DNAH10: variants seen among roughly 807,000 people sequenced by gnomAD.
The protein encoded by DNAH10 is axonemal beta dynein heavy chain 10.
A neutral mutation model predicts 506.6 loss-of-function variants in DNAH10; 348 were observed. The observed-to-expected ratio is 0.69, with a 90% confidence interval of 0.63 to 0.75. The LOEUF is 0.75. DNAH10 is among the 30% of genes least tolerant of loss of function. DNAH10 has a pLI of 0.00. For missense variants in DNAH10, 5,179 were observed against 5,787.1 expected (o/e 0.89, Z 3.41); for synonymous variants, 2,059 against 2,198.6 (o/e 0.94, Z 1.78).
In DNAH10 at chr12:123,875,230, G is replaced by C; in HGVS notation, c.7939-1G>C. 1.9e-6 allele frequency: 3 copies of C among 1,605,544 alleles called. No homozygotes were observed. The highest frequency in any genetic ancestry group is 2.6e-6 in the Non-Finnish European group (3 of 1,175,236). ...TCTTTTCTTTTTTAAAAAAAATCAA[G>C]GTGGATGAATATGGCACGCAGCAGC... On this transcript the variant is annotated splice_acceptor_variant, in intron 46 of 78. Transcript: ENST00000673944. LOFTEE classifies it high-confidence loss of function.
intron 42 of DNAH10, 83 bp downstream of exon 42, chr12:123,867,684 T>C (rs1318654955): frequency 6.4e-7 from 1 of 1,570,766 alleles, no homozygotes; most frequent in Non-Finnish European, 8.6e-7. Flanking sequence ...GGAGTGAAGA[T>C]GCCAGACAGG....
Position 123,914,877 on chromosome 12 carries a change from G to A in DNAH10, c.10600G>A (p.Asp3534Asn), listed in dbSNP as rs554529870. 73 of 1,613,624 alleles carry A rather than the reference G, an allele frequency of 4.5e-5. No homozygotes were observed. The highest frequency in any genetic ancestry group is 3.5e-4 in the South Asian group (32 of 91,032). The change falls in exon 62 of 79, where the codon GAT becomes AAT. Residue 3534 changes from aspartate (D) to asparagine (N), a missense_variant. Physicochemically the swap from Asp to Asn is conservative, Grantham distance 23. Transcript: ENST00000673944. ...ATGGGGATCCCAGGGCCTTCCCCCC[G>A]ATGAGCTCTCCGTTCAGAATGGCAT... is the stretch of plus-strand genomic sequence containing the variant. Reference protein sequence around the residue: ...SRWGSQGLPPDELSVQNGILT... With the variant: ...SRWGSQGLPPNELSVQNGILT...
chr12:123,771,533 G>A, intron 2 of DNAH10, 68 bp from the exon 3 acceptor site: 1 of 1,307,698 alleles, frequency 7.6e-7, no homozygotes, highest in Non-Finnish European at 1.1e-6. Context: ...CAAAATGCAG[G>A]GCTGCTCTTG....
intron 27 of DNAH10, among the ~76,000 whole-genome samples, chr12:123,834,728 ATGGATTTACCTATTT>A (rs751266478): frequency 2.0e-4 from 31 of 152,148 alleles, no homozygotes; most frequent in Non-Finnish European, 3.7e-4. Flanking sequence ...TTCTGTGTCA[ATGGATTTACCTATTT>A]TGGATAATTC....
chr12:123,912,653 C>T (rs1012453707), intron 59 of DNAH10, among the ~76,000 whole-genome samples: 1 of 152,144 alleles, frequency 6.6e-6, no homozygotes, highest in South Asian at 2.1e-4. Flanking sequence ...TTGAGAGCAG[C>T]GGGGCCAAAG....
chr12:123,776,650 A>G (rs1957451477), intron 5 of DNAH10, among the ~76,000 whole-genome samples: 1 of 151,708 alleles, frequency 6.6e-6, no homozygotes, highest in South Asian at 2.1e-4. Flanking sequence ...AAAAAAAAAA[A>G]GAAAAATAAA....
chr12:123,767,765 C>T lies in DNAH10; in HGVS notation c.298+76C>T, dbSNP rs536756020. The T allele has an allele frequency of 2.0e-4, 251 of 1,254,946 alleles. 2 individuals carry two copies. In the South Asian group the frequency reaches 2.9e-3, roughly 15 times the overall value. The allele number at this position is 1,254,946 out of a possible 1,614,324, so 77.7% of individuals were successfully genotyped here. ...GCAGCGGGAGTAGGGTGCTGCCTGC[C>T]GTGCCACAATCAGTTGTACTTTCAC... is the stretch of plus-strand genomic sequence containing the variant. On this transcript the variant is annotated intron_variant, in intron 2 of 78. Coordinates refer to ENST00000673944, the MANE Select transcript of DNAH10 (RefSeq NM_001372106.1).
intron 39 of DNAH10, among the ~76,000 whole-genome samples, chr12:123,862,813 A>G (rs1414644633): frequency 6.6e-6 from 1 of 152,176 alleles, no homozygotes; most frequent in South Asian, 2.1e-4. Flanking sequence ...GAGTTTGATA[A>G]TTCTGCTGTG....
At chr12:123,857,694 C>G (rs1951451289) in intron 37 of DNAH10, among the ~76,000 whole-genome samples, 2 of 152,218 alleles carry the variant, frequency 1.3e-5, no homozygotes. Context: ...TGCCACTGCA[C>G]TCCAGCCTGG....
At chr12:123,879,185 CTG>C in intron 48 of DNAH10, 77 bp from the exon 49 acceptor site, 4 of 1,224,260 alleles carry the variant, frequency 3.3e-6, no homozygotes, top group Non-Finnish European at 4.7e-6. Context: ...GTGTGTCTGT[CTG>C]TCTGAATGTC....
chr12:123,866,211 G>T, intron 41 of DNAH10, 138 bp downstream of exon 41: 7 of 185,580 alleles, frequency 3.8e-5, no homozygotes, highest in East Asian at 1.5e-4. Flanking sequence ...CAAAATAAGT[G>T]AAAACATGGC....
intron 42 of DNAH10, 85 bp downstream of exon 42, chr12:123,867,686 C>G (rs1480515229): frequency 6.4e-7 from 1 of 1,562,048 alleles, no homozygotes; most frequent in African/African-American, 1.4e-5. Flanking sequence ...AGTGAAGATG[C>G]CAGACAGGGT....
chr12:123,932,743 A>G (rs1042315288), intron 76 of DNAH10: 1 of 152,514 alleles, frequency 6.6e-6, no homozygotes, highest in African/African-American at 2.4e-5. Flanking sequence ...TGAAAATAAT[A>G]TCTCATTGTT....
chr12:123,766,561 A>G (rs967290903), intron 1 of DNAH10, among the ~76,000 whole-genome samples: 1 of 152,224 alleles, frequency 6.6e-6, no homozygotes, highest in East Asian at 1.9e-4. Context: ...TCTCTAATTA[A>G]TGGACACTTA....
At position 123,875,425 on chromosome 12, in the gene DNAH10, T is replaced by C. The variant is rs768777186; in HGVS notation, c.8133T>C (p.Asn2711=). 20 of 1,613,936 alleles carry C rather than the reference T, an allele frequency of 1.2e-5. No homozygotes were observed. The highest frequency in any genetic ancestry group is 1.6e-5 in the Non-Finnish European group (19 of 1,179,902). ...PRFISLFSVF[N]VPFPSEESLH... ...TTATTTCGCTATTCAGTGTCTTCAA[T>C]GTGCCATTTCCTTCAGAGGAGTCTC... The change falls in exon 47 of 79, where the codon AAT becomes AAC. Residue 2711 remains asparagine (N), a synonymous_variant. Transcript: ENST00000673944.
rs767054708 is a variant in DNAH10 at position 123,820,777 on chromosome 12, G to A, written c.4179+19G>A. 3 of 1,613,102 alleles carry A rather than the reference G, an allele frequency of 1.9e-6. No individual in the cohort carries two copies. Among genetic ancestry groups the A allele is most frequent in the Non-Finnish European group, 2.5e-6 (3 of 1,179,312 alleles). On this transcript the variant is annotated intron_variant, in intron 24 of 78. Coordinates refer to ENST00000673944, the MANE Select transcript of DNAH10 (RefSeq NM_001372106.1). Reference sequence around the variant, plus strand: ...ACTAAAGGTGAGCATCTCCCTGAAAGCGAAGGACTCAGGCTCACTGAAGGG... The same window carrying A: ...ACTAAAGGTGAGCATCTCCCTGAAAACGAAGGACTCAGGCTCACTGAAGGG...
intron 37 of DNAH10, among the ~76,000 whole-genome samples, chr12:123,858,884 G>A (rs1284900461): frequency 6.6e-6 from 1 of 152,134 alleles, no homozygotes; most frequent in African/African-American, 2.4e-5. Context: ...ACGCAAATCC[G>A]TAGAGACAGG....
At chr12:123,871,705 T>C in intron 45 of DNAH10, 103 bp downstream of exon 45, 1 of 1,381,614 alleles carries the variant, frequency 7.2e-7, no homozygotes, top group Non-Finnish European at 9.8e-7. Context: ...TTTCCGTGGG[T>C]CGAGAATGTG....
rs1283040192 is a variant in DNAH10, at chr12:123,913,731, C to G, written c.10352+416C>G. Reference sequence around the variant, plus strand: ...GGCTTGTTCAATCCTGGGCTTCAGTCTTAAGTGATGGGGCTGTTTGATATT... The same window carrying G: ...GGCTTGTTCAATCCTGGGCTTCAGTGTTAAGTGATGGGGCTGTTTGATATT... On this transcript the variant is annotated intron_variant, in intron 60 of 78. Transcript: ENST00000673944. This position sits in a 1 kb window ranked among gnomAD's most constrained non-coding sequence, Gnocchi z 5.1. 1.3e-5 allele frequency among the ~76,000 whole-genome samples: 2 copies of G among 152,174 alleles called. No homozygotes were observed. Among genetic ancestry groups the G allele is most frequent in the Admixed American group, 1.3e-4 (2 of 15,282 alleles).
Sources: allele counts gnomAD v4.1 joint callset (sites outside exome capture counted in the v4.1 genomes callset), GRCh38; gene constraint gnomAD v4.1.1; non-coding constraint Gnocchi (gnomAD v3.1); transcripts MANE v1.5; gene names NCBI Gene and HGNC (gene_info 2026-07-23, HGNC 2026-07-21).